The following CEP89 variants were observed in gnomAD, a reference collection of about 807,000 sequenced individuals.
CEP89 encodes the protein centrosomal protein 89.
A neutral mutation model predicts 97.6 loss-of-function variants in CEP89; 95 were observed. That is an observed-to-expected ratio of 0.97 (90% CI 0.82 to 1.15). The LOEUF (loss-of-function observed/expected upper bound fraction) is 1.15, where lower values mean the gene tolerates loss of function less well. Ranked by LOEUF, CEP89 falls within the 50% of genes most tolerant of loss-of-function variation. The pLI, the probability that CEP89 is intolerant of heterozygous loss-of-function variation, is 0.00. For missense variants in CEP89, 869 were observed against 947.7 expected (o/e 0.92, Z 1.09); for synonymous variants, 354 against 349.1 (o/e 1.01, Z -0.16).
intron 14 of CEP89, among the ~76,000 whole-genome samples, chr19:32,909,909 G>A (rs1356516372): frequency 2.0e-5 from 3 of 151,748 alleles, no homozygotes; most frequent in Admixed American, 6.6e-5. Context: ...CCACTGCAGC[G>A]AATGAAAAAA....
chr19:32,943,749 T>G (rs140111064), intron 5 of CEP89, among the ~76,000 whole-genome samples: 6 of 149,480 alleles, frequency 4.0e-5, no homozygotes, highest in Admixed American at 2.0e-4. Flanking sequence ...CACCACAGAG[T>G]TGAGGAAATA....
At chr19:32,927,115 C>G in intron 9 of CEP89, 131 bp from the exon 10 acceptor site, 1 of 662,254 alleles carries the variant, frequency 1.5e-6, no homozygotes, top group Non-Finnish European at 2.7e-6. Context: ...TGCCTACCCA[C>G]CCACCTACCC....
chr19:32,893,565 G>A (rs1192648041), intron 16 of CEP89, among the ~76,000 whole-genome samples: 5 of 152,230 alleles, frequency 3.3e-5, no homozygotes, highest in African/African-American at 9.6e-5. Flanking sequence ...ATCCAGTAAC[G>A]GCAGAATACA....
chr19:32,882,553 C>A (rs563778983), intron 17 of CEP89, among the ~76,000 whole-genome samples: 2 of 149,228 alleles, frequency 1.3e-5, no homozygotes, highest in South Asian at 4.2e-4. Context: ...CACAGTGAGA[C>A]CCTGTCTCAA....
chr19:32,909,588 TA>T (rs1373277868), intron 14 of CEP89, among the ~76,000 whole-genome samples: 6 of 152,134 alleles, frequency 3.9e-5, no homozygotes, highest in African/African-American at 9.7e-5. Flanking sequence ...AAGGAAGTTT[TA>T]AAAGAACAAA....
In CEP89 at chr19:32,881,854, G is replaced by T. The variant is rs771781611; in HGVS notation, c.2125C>A (p.Gln709Lys). ...GGGCGCATGCCCCACCTGTTCTGCT[G>T]CAGCGCCTGGTCCAGCACCTCCTGC... ...DKQEVLDQAL[Q>K]QNREMEGELE... Residue 709 changes from glutamine to lysine, a missense_variant, in exon 18 of 19, where the codon CAG (glutamine) becomes AAG (lysine). Coordinates refer to ENST00000305768, the MANE Select transcript of CEP89 (RefSeq NM_032816.5). 5.0e-6 allele frequency: 8 copies of T among 1,601,984 alleles called. No homozygotes were observed. Among genetic ancestry groups the T allele is most frequent in the African/African-American group, 4.0e-5 (3 of 74,884 alleles).
intron 4 of CEP89, among the ~76,000 whole-genome samples, chr19:32,952,602 T>A (rs944082147): frequency 3.3e-5 from 5 of 151,508 alleles, no homozygotes; most frequent in Admixed American, 6.6e-5. Context: ...ATTATAATGA[T>A]GGTGAAAAAA....
At chr19:32,959,532 G>A (rs943981964) in intron 3 of CEP89, among the ~76,000 whole-genome samples, 1 of 152,178 alleles carries the variant, frequency 6.6e-6, no homozygotes, top group Non-Finnish European at 1.5e-5. Flanking sequence ...GAGGTAAGGA[G>A]GGACCACTCT....
intron 5 of CEP89, 75 bp from the exon 6 acceptor site, chr19:32,939,960 T>C: frequency 1.4e-6 from 1 of 733,282 alleles, no homozygotes; most frequent in Admixed American, 2.5e-5. Context: ...AGTACAATCA[T>C]AGAAATTCAC....
rs113301692 is a variant in CEP89 at position 32,896,426 on chromosome 19, A to G, written c.1875+3431T>C. ...AAATTGGATATCCATATACAGAAAA[A>G]TGAAATTAGATCTCTATTTCTCATC... On this transcript the variant is annotated intron_variant, in intron 16 of 18. Transcript: ENST00000305768. Among the ~76,000 whole-genome samples the G allele has an allele frequency of 2.4e-4, 36 of 152,294 alleles. 4 individuals carry two copies. The highest frequency in any genetic ancestry group is 8.4e-4 in the African/African-American group (35 of 41,564).
intron 6 of CEP89, 89 bp from the exon 7 acceptor site, chr19:32,937,762 T>C (rs186842521): frequency 3.5e-6 from 3 of 862,326 alleles, no homozygotes; most frequent in Non-Finnish European, 5.8e-6. Flanking sequence ...AGACAGCAGG[T>C]ATATAAGCAT....
intron 7 of CEP89, among the ~76,000 whole-genome samples, chr19:32,935,285 A>C (rs1970556353): frequency 6.6e-6 from 1 of 152,194 alleles, no homozygotes; most frequent in African/African-American, 2.4e-5. Flanking sequence ...TGCAGTAAAC[A>C]GAGGTAGCAT....
chr19:32,938,165 G>T lies in CEP89; in HGVS notation c.625-492C>A, dbSNP rs372767769. ...CCTTAAGTGTCTTCCCCTCTGGTGG[G>T]CTCTCTGAGGCTATAAAGGAAGTCC... On this transcript the variant is annotated intron_variant, in intron 6 of 18. Transcript: ENST00000305768. Among the ~76,000 whole-genome samples, 17 of 152,194 alleles carry T rather than the reference G, an allele frequency of 1.1e-4. No individual in the cohort carries two copies. The East Asian group carries it at 2.9e-3, about 26-fold the overall frequency.
At chr19:32,916,319 T>C (rs1174540870) in intron 13 of CEP89, among the ~76,000 whole-genome samples, 3 of 152,158 alleles carry the variant, frequency 2.0e-5, no homozygotes, top group Non-Finnish European at 4.4e-5. Context: ...TTACTATCTC[T>C]ACATTAAGCA....
intron 15 of CEP89, among the ~76,000 whole-genome samples, chr19:32,900,981 G>A (rs780871281): frequency 3.3e-5 from 5 of 150,676 alleles, no homozygotes; most frequent in Non-Finnish European, 7.4e-5. Context: ...TGCCTCCCAG[G>A]CTCAAATGAT....
rs12710001 is a variant in CEP89, at chr19:32,948,252, T to C, written c.595+14A>G. 0.87 allele frequency: 1,249,806 copies of C among 1,443,408 alleles called. 540,953 individuals are homozygous for C. Among genetic ancestry groups the C allele is most frequent in the African/African-American group, 0.98 (67,910 of 69,634 alleles). 89.4% of individuals were successfully genotyped at this position (1,443,408 alleles called of 1,614,324 possible). On this transcript the variant is annotated intron_variant, in intron 5 of 18. Coordinates refer to ENST00000305768, the MANE Select transcript of CEP89 (RefSeq NM_032816.5). ...TTCTTATATTTTATAAAAATTGTGGTTTTTTTTTTCTACCTTTTTGTTGTG... is the reference window on the plus strand; with the variant it reads ...TTCTTATATTTTATAAAAATTGTGGCTTTTTTTTTCTACCTTTTTGTTGTG...
intron 15 of CEP89, 66 bp from the exon 16 acceptor site, chr19:32,900,064 T>C (rs866808833): frequency 6.9e-7 from 1 of 1,446,776 alleles, no homozygotes. Context: ...GCATGGTGAA[T>C]ATCTGTATTA....
chr19:32,926,787 C>A (rs1340115217), intron 10 of CEP89, 147 bp downstream of exon 10: 2 of 670,190 alleles, frequency 3.0e-6, no homozygotes, highest in Non-Finnish European at 5.3e-6. Context: ...GTCTTGAACC[C>A]TTGACCTCAA....
chr19:32,883,862 G>C (rs1359283036), intron 17 of CEP89, among the ~76,000 whole-genome samples: 2 of 152,164 alleles, frequency 1.3e-5, no homozygotes, highest in African/African-American at 4.8e-5. Flanking sequence ...CTTGGATTAA[G>C]AGAGGTGGAT....
Sources: gnomAD v4.1 joint callset for allele counts (sites outside exome capture counted in the v4.1 genomes callset) on GRCh38, gnomAD v4.1.1 for gene constraint, MANE v1.5 for transcripts, NCBI Gene and HGNC (gene_info 2026-07-23, HGNC 2026-07-21) for gene names.